ATXN7: variants seen among roughly 807,000 people sequenced by gnomAD.
The protein encoded by ATXN7 is ataxin 7.
ATXN7 carries 12 observed loss-of-function variants against 70.5 expected under a neutral mutation model. The observed-to-expected ratio is 0.17, with a 90% CI of 0.11 to 0.28. ATXN7 has a LOEUF of 0.28. ATXN7 is among the 10% of genes least tolerant of loss of function. The pLI is 1.00. For synonymous variants in ATXN7, 498 were observed against 448.7 expected (o/e 1.11, Z -1.39); for missense variants, 1,256 against 1,131.7 (o/e 1.11, Z -1.58).
intron 5 of ATXN7, among the ~76,000 whole-genome samples, chr3:63,957,660 G>T (rs2075061288): frequency 6.6e-6 from 1 of 152,194 alleles, no homozygotes; most frequent in Non-Finnish European, 1.5e-5. Flanking sequence ...CTGTTAAAAT[G>T]GAGACTAGCA....
At chr3:63,863,579 G>A, upstream of ATXN7, 1 of 1,197,574 alleles carries the variant, frequency 8.4e-7, no homozygotes. Context: ...GGGCTCTGGC[G>A]AGAGGAGGAA....
chr3:63,866,425 A>T (rs1439327301), intron 1 of ATXN7, among the ~76,000 whole-genome samples: 1 of 151,578 alleles, frequency 6.6e-6, no homozygotes, highest in African/African-American at 2.4e-5. Context: ...TAAGTTTTTT[A>T]TTTTTATTTT....
At chr3:63,891,625 C>T (rs1342644226) in intron 1 of ATXN7, among the ~76,000 whole-genome samples, 1 of 152,210 alleles carries the variant, frequency 6.6e-6, no homozygotes, top group East Asian at 1.9e-4. Context: ...ACCTGGCTTA[C>T]ACAACATTTT....
At chr3:63,915,161 T>G (rs1447087624) in intron 4 of ATXN7, among the ~76,000 whole-genome samples, 1 of 152,188 alleles carries the variant, frequency 6.6e-6, no homozygotes, top group Non-Finnish European at 1.5e-5. Context: ...GGTCTCAATC[T>G]CCTAACCTCG....
intron 4 of ATXN7, among the ~76,000 whole-genome samples, chr3:63,934,607 C>G (rs1443364943): frequency 6.6e-6 from 1 of 152,104 alleles, no homozygotes; most frequent in African/African-American, 2.4e-5. Context: ...TCTCTGAGTT[C>G]CTGTAATCAC....
At chr3:63,921,000 G>T (rs563366162) in intron 4 of ATXN7, among the ~76,000 whole-genome samples, 26 of 152,304 alleles carry the variant, frequency 1.7e-4, no homozygotes, top group African/African-American at 5.8e-4. Flanking sequence ...AGCAGTTGGA[G>T]TTACTGTACT....
chr3:63,951,241 A>G (rs751762605), intron 4 of ATXN7, among the ~76,000 whole-genome samples: 8 of 152,148 alleles, frequency 5.3e-5, no homozygotes, highest in African/African-American at 1.2e-4. Context: ...AGCCATAGCC[A>G]TGTGTAGATA....
At chr3:63,918,268 T>A (rs1704364798) in intron 4 of ATXN7, among the ~76,000 whole-genome samples, 1 of 152,206 alleles carries the variant, frequency 6.6e-6, no homozygotes, top group Non-Finnish European at 1.5e-5. Context: ...TACCACCTTT[T>A]TTCTTTCCTA....
intron 4 of ATXN7, among the ~76,000 whole-genome samples, chr3:63,927,901 A>G (rs190851420): frequency 6.6e-6 from 1 of 152,242 alleles, no homozygotes; most frequent in East Asian, 1.9e-4. Flanking sequence ...TGCGATGGCT[A>G]TTTCTTCAAA....
At chr3:63,962,739 T>G (rs1000022977) in intron 5 of ATXN7, among the ~76,000 whole-genome samples, 1 of 151,792 alleles carries the variant, frequency 6.6e-6, no homozygotes, top group Non-Finnish European at 1.5e-5. Flanking sequence ...GTAGTGAGCT[T>G]TAGAGAGTTA....
At chr3:63,873,366 G>C (rs1575832876) in intron 1 of ATXN7, among the ~76,000 whole-genome samples, 1 of 152,154 alleles carries the variant, frequency 6.6e-6, no homozygotes, top group Non-Finnish European at 1.5e-5. Flanking sequence ...AGGGATCCAG[G>C]TAGCAGGACT....
At position 63,961,001 on chromosome 3, in the gene ATXN7, C is replaced by G. The variant is rs548707951; in HGVS notation, c.499+8518C>G. 7.9e-5 allele frequency among the ~76,000 whole-genome samples: 12 copies of G among 152,130 alleles called. No individual in the cohort carries two copies. In the South Asian group the frequency reaches 2.5e-3, roughly 32 times the overall value. On this transcript the variant is annotated intron_variant, in intron 5 of 12. Coordinates refer to ENST00000674280, the MANE Select transcript of ATXN7 (RefSeq NM_001377405.1). The stretch of plus-strand genomic sequence containing the variant: ...TTTATTGACTAACAAAAACCACTGC[C>G]TTTCAATTTGTTTTTAATTATTAAA...
intron 7 of ATXN7, 30 bp from the exon 8 acceptor site, chr3:63,982,909 C>T (rs932725143): frequency 6.4e-7 from 1 of 1,556,520 alleles, no homozygotes; most frequent in African/African-American, 1.4e-5. Flanking sequence ...GTTTGTCAGG[C>T]CACATGTAAT....
rs769433021 is a variant in ATXN7 at position 63,988,263 on chromosome 3, C to G, written c.1300C>G (p.Pro434Ala). 2 of 1,614,012 alleles carry G rather than the reference C, an allele frequency of 1.2e-6. No homozygotes were observed. The highest frequency in any genetic ancestry group is 1.7e-6 in the Non-Finnish European group (2 of 1,179,966). The change falls in exon 9 of 13, where the codon CCT (proline) becomes GCT (alanine). Residue 434 changes from proline to alanine, a missense_variant. Transcript: ENST00000674280. ...GCACCAAAACCCTCACGGAGTGATTCCTTCCGAATCAAAGCCTTTTGTAGC... is the reference window on the plus strand; with the variant it reads ...GCACCAAAACCCTCACGGAGTGATTGCTTCCGAATCAAAGCCTTTTGTAGC... ...EPHQNPHGVI[P>A]SESKPFVASK...
chr3:63,949,591 G>C (rs2074920837), intron 4 of ATXN7, among the ~76,000 whole-genome samples: 3 of 152,106 alleles, frequency 2.0e-5, no homozygotes, highest in African/African-American at 7.2e-5. Context: ...TAGAGACAGG[G>C]TTTACTATGT....
At chr3:63,863,365 A>T, upstream of ATXN7, 1 of 862,068 alleles carries the variant, frequency 1.2e-6, no homozygotes, top group Non-Finnish European at 1.4e-6. Context: ...ACCACTGTCC[A>T]CCCTTCGCGG....
chr3:63,989,774 C>A (rs2075638276), intron 9 of ATXN7, among the ~76,000 whole-genome samples: 1 of 152,100 alleles, frequency 6.6e-6, no homozygotes, highest in Non-Finnish European at 1.5e-5. Flanking sequence ...CCTCAATTCC[C>A]CATGGATACC....
At chr3:63,899,374 T>C (rs557642764) in intron 2 of ATXN7, among the ~76,000 whole-genome samples, 8 of 152,190 alleles carry the variant, frequency 5.3e-5, no homozygotes, top group African/African-American at 1.7e-4. Flanking sequence ...ATTAATGTTG[T>C]TTCTCACTGC....
At chr3:63,868,603 A>G (rs1311130349) in intron 1 of ATXN7, among the ~76,000 whole-genome samples, 1 of 152,212 alleles carries the variant, frequency 6.6e-6, no homozygotes, top group Non-Finnish European at 1.5e-5. Flanking sequence ...GTCCCCAAAT[A>G]TAGATATTTA....
Sources: gnomAD v4.1 joint callset for allele counts (sites outside exome capture counted in the v4.1 genomes callset) on GRCh38, gnomAD v4.1.1 for gene constraint, MANE v1.5 for transcripts, NCBI Gene and HGNC (gene_info 2026-07-23, HGNC 2026-07-21) for gene names.